Variants in SERPINB1 observed in about 807,000 individuals in gnomAD.
SERPINB1 encodes leukocyte elastase inhibitor.
SERPINB1 carries 23 observed loss-of-function variants against 25.9 expected under a neutral mutation model. The ratio of observed to expected loss-of-function variants is 0.89; its 90% CI spans 0.64 to 1.26. The LOEUF is 1.26. SERPINB1 is among the 50% of genes most tolerant of loss of function. The pLI is 0.00. For missense variants in SERPINB1, 399 were observed against 463.6 expected, an observed-to-expected ratio of 0.86 and a Z score of 1.28; for synonymous variants, 178 against 178.7, an observed-to-expected ratio of 1.00 and a Z score of 0.03.
chr6:2,841,029 C>T lies in SERPINB1; in HGVS notation c.-8-435G>A, dbSNP rs1766636741. On this transcript the variant is annotated intron_variant, in intron 1 of 6. Coordinates refer to ENST00000380739, the MANE Select transcript of SERPINB1 (RefSeq NM_030666.4). The surrounding 1 kb of genome is among the most constrained non-coding windows in gnomAD (Gnocchi z 4.5). ...CATTGGGCAATGAATCCATTGCCTA[C>T]CTTCACCTGAACTAAGAGCCTTCTA... is the stretch of plus-strand genomic sequence containing the variant. Among the ~76,000 whole-genome samples, 1 of 152,072 alleles carries T rather than the reference C, an allele frequency of 6.6e-6. No homozygotes were observed. The highest frequency in any genetic ancestry group is 2.1e-4 in the South Asian group (1 of 4,832).
chr6:2,837,258 CTTTATTT>C lies in SERPINB1; in HGVS notation c.424+617_424+623del, dbSNP rs555679793. Among the ~76,000 whole-genome samples the C allele has an allele frequency of 6.4e-3, 974 of 152,054 alleles. 2 individuals are homozygous for C. The highest frequency in any genetic ancestry group is 0.021 in the African/African-American group (882 of 41,506). On this transcript the variant is annotated intron_variant, in intron 4 of 6. Transcript: ENST00000380739. The surrounding 1 kb of genome is among the most constrained non-coding windows in gnomAD (Gnocchi z 4.3). ...TTGCTGTATTCAGTGTTGGTTTTAA[CTTTATTT>C]TTTATTTTTTATTATTTTTATTATT... is the stretch of plus-strand genomic sequence containing the variant.
intron 1 of SERPINB1, among the ~76,000 whole-genome samples, chr6:2,840,940 G>T (rs1362195623): frequency 6.6e-6 from 1 of 152,224 alleles, no homozygotes; most frequent in Non-Finnish European, 1.5e-5. Context: ...ACCCAGCCCT[G>T]GGTCTTCCCA....
In SERPINB1 at chr6:2,835,876, C is replaced by T. The variant is rs779046708; in HGVS notation, c.715G>A (p.Glu239Lys). Residue 239 changes from glutamate to lysine, a missense_variant, in exon 6 of 7, where the codon GAG becomes AAG. Coordinates refer to ENST00000380739, the MANE Select transcript of SERPINB1 (RefSeq NM_030666.4). ...VILLPDDIED[E>K]STGLKKIEEQ... ...CATACCTTCTTCAGGCCCGTGGACTCGTCCTCAATGTCATCCGGCAGCAGG... is the reference window on the plus strand; with the variant it reads ...CATACCTTCTTCAGGCCCGTGGACTTGTCCTCAATGTCATCCGGCAGCAGG... 8 of 1,613,838 alleles carry T rather than the reference C, an allele frequency of 5.0e-6. No individual in the cohort carries two copies. In the East Asian group the frequency reaches 6.7e-5, roughly 13 times the overall value.
At position 2,833,884 on chromosome 6, in the gene SERPINB1, G is replaced by A. The variant is rs112392746; in HGVS notation, c.864C>T (p.Leu288=). 143 of 1,614,048 alleles carry A rather than the reference G, an allele frequency of 8.9e-5. 1 individual carries two copies. The South Asian group carries it at 1.3e-3, about 14-fold the overall frequency. Residue 288 remains leucine, a synonymous_variant, in exon 7 of 7, where the codon CTC becomes CTT. Transcript: ENST00000380739. ...LEESYTLNSD[L]ARLGVQDLFN... ...AGAGATCCTGCACACCTAGGCGGGC[G>A]AGGTCGGAGTTGAGAGTGTAACTCT...
rs1280633877 is a variant in SERPINB1 at position 2,841,812 on chromosome 6, C to G, written c.-9G>C. The G allele has an allele frequency of 6.6e-6, 1 of 152,368 alleles. No individual in the cohort carries two copies. Among genetic ancestry groups the G allele is most frequent in the African/African-American group, 2.4e-5 (1 of 41,464 alleles). The allele number at this position is 152,368 out of a possible 1,614,324, so 9.4% of individuals were successfully genotyped here. A position where few individuals can be genotyped will look rare whatever the true frequency, so the allele number is the denominator to read the frequency against. On this transcript the variant is annotated splice_region_variant and 5_prime_UTR_variant, in exon 1 of 7. Transcript: ENST00000380739. The surrounding 1 kb of genome is among the most constrained non-coding windows in gnomAD (Gnocchi z 4.5). ...CCACCGCTCCGAGGCCCGGCCTTAC[C>G]CGACAGGCCGCCGAGGCACGCTCCG...
In SERPINB1 at chr6:2,833,522, TA is replaced by T; in HGVS notation, c.*85del. On this transcript the variant is annotated 3_prime_UTR_variant, in exon 7 of 7. Coordinates refer to ENST00000380739, the MANE Select transcript of SERPINB1 (RefSeq NM_030666.4). ...TGTTTCTGAACAGTGGTTTTATTGG[TA>T]AAGATATAAGACATATTGGCTCTAT... The T allele has an allele frequency of 8.0e-7, 1 of 1,244,258 alleles. No individual in the cohort carries two copies. Among genetic ancestry groups the T allele is most frequent in the Non-Finnish European group, 1.1e-6 (1 of 913,584 alleles). 77.1% of individuals were successfully genotyped at this position (1,244,258 alleles called of 1,614,324 possible). A position where few individuals can be genotyped will look rare whatever the true frequency, so the allele number is the denominator to read the frequency against.
At chr6:2,840,205 G>C (rs536556705) in intron 2 of SERPINB1, among the ~76,000 whole-genome samples, 8 of 152,202 alleles carry the variant, frequency 5.3e-5, no homozygotes, top group South Asian at 2.1e-4. Context: ...TCAGCAATAC[G>C]AAAAACAGTT....
At chr6:2,838,818 T>G in intron 2 of SERPINB1, 132 bp from the exon 3 acceptor site, 1 of 703,412 alleles carries the variant, frequency 1.4e-6, no homozygotes, top group Non-Finnish European at 2.0e-6. Flanking sequence ...AACCCAATAC[T>G]TTATTAATTT....
Position 2,836,110 on chromosome 6 carries a change from T to C in SERPINB1, c.565A>G (p.Lys189Glu). Residue 189 changes from lysine (K) to glutamate (E), a missense_variant and splice_region_variant, in exon 5 of 7, where the codon AAG becomes GAG. Coordinates refer to ENST00000380739, the MANE Select transcript of SERPINB1 (RefSeq NM_030666.4). ...ATTNAPFRLN[K>E]KDRKTVKMMY... is the part of the protein sequence containing the mutation. ...TCTGTACAGTTACCTCACCTCACCTTATTCAATCTGAATGGTGCATTCGTC... is the reference window on the plus strand; with the variant it reads ...TCTGTACAGTTACCTCACCTCACCTCATTCAATCTGAATGGTGCATTCGTC... 6.2e-7 allele frequency: 1 copy of C among 1,614,108 alleles called. No homozygotes were observed. The highest frequency in any genetic ancestry group is 1.3e-5 in the African/African-American group (1 of 75,060).
intron 1 of SERPINB1, 104 bp from the exon 2 acceptor site, chr6:2,840,698 G>A: frequency 9.1e-7 from 1 of 1,102,412 alleles, no homozygotes; most frequent in East Asian, 2.5e-5. Context: ...ACCGCCCTGA[G>A]GCATCCTGGA....
At chr6:2,836,278 A>T in intron 4 of SERPINB1, 28 bp from the exon 5 acceptor site, 1 of 1,575,264 alleles carries the variant, frequency 6.3e-7, no homozygotes, top group Non-Finnish European at 8.6e-7. Flanking sequence ...TAGCGTAAAA[A>T]AAATCCAAAT....
intron 1 of SERPINB1, 139 bp from the exon 2 acceptor site, chr6:2,840,733 T>A: frequency 1.3e-6 from 1 of 773,254 alleles, no homozygotes; most frequent in Non-Finnish European, 2.0e-6. Flanking sequence ...CCCGCTTTTT[T>A]ATTCCAGCAG....
chr6:2,832,806 CA>C lies in SERPINB1; in HGVS notation c.*801del, dbSNP rs3054472. On this transcript the variant is annotated 3_prime_UTR_variant, in exon 7 of 7. Coordinates refer to ENST00000380739, the MANE Select transcript of SERPINB1 (RefSeq NM_030666.4). ...TGGGTAACAGAGCAAGACTCTGTCT[CA>C]AAAAAAAAAAAAAGAAAGAAAGAAA... is the stretch of plus-strand genomic sequence containing the variant. 0.038 allele frequency: 3,631 copies of C among 95,106 alleles called. 116 individuals carry two copies. Among genetic ancestry groups the C allele is most frequent in the African/African-American group, 0.11 (3,172 of 28,940 alleles). 5.9% of individuals were successfully genotyped at this position (95,106 alleles called of 1,614,324 possible).
At chr6:2,834,176 C>T (rs1766420141) in intron 6 of SERPINB1, among the ~76,000 whole-genome samples, 164 bp from the exon 7 acceptor site, 1 of 152,114 alleles carries the variant, frequency 6.6e-6, no homozygotes. Context: ...TTCATTATGG[C>T]AATTGGTGAA....
At position 2,833,449 on chromosome 6, in the gene SERPINB1, G is replaced by A; in HGVS notation, c.*159C>T. On this transcript the variant is annotated 3_prime_UTR_variant, in exon 7 of 7. Coordinates refer to ENST00000380739, the MANE Select transcript of SERPINB1 (RefSeq NM_030666.4). ...AATAGATACCCATGCCAAAATTCAT[G>A]GGTGTAAACAGCCAACAGAGCCAAA... is the stretch of plus-strand genomic sequence containing the variant. 1.6e-6 allele frequency: 1 copy of A among 623,788 alleles called. No homozygotes were observed. Among genetic ancestry groups the A allele is most frequent in the Non-Finnish European group, 2.5e-6 (1 of 397,576 alleles). 38.6% of individuals were successfully genotyped at this position (623,788 alleles called of 1,614,324 possible). A position where few individuals can be genotyped will look rare whatever the true frequency, so the allele number is the denominator to read the frequency against.
At position 2,837,772 on chromosome 6, in the gene SERPINB1, C is replaced by T. The variant is rs1766535071; in HGVS notation, c.424+110G>A. 9.7e-6 allele frequency: 8 copies of T among 821,418 alleles called. No homozygotes were observed. The highest frequency in any genetic ancestry group is 1.9e-5 in the Admixed American group (1 of 53,330). 50.9% of individuals were successfully genotyped at this position (821,418 alleles called of 1,614,324 possible). ...GTCCTCTGACTGTAACCACGATGTG[C>T]GCCAGGACTGTGGGAGCTGGGGAGG... On this transcript the variant is annotated intron_variant, in intron 4 of 6. Transcript: ENST00000380739. This position sits in a 1 kb window ranked among gnomAD's most constrained non-coding sequence, Gnocchi z 4.3.
intron 2 of SERPINB1, among the ~76,000 whole-genome samples, chr6:2,839,837 G>A (rs1296872679): frequency 6.8e-6 from 1 of 146,762 alleles, no homozygotes; most frequent in Non-Finnish European, 1.5e-5. Context: ...CTGAAGCTGC[G>A]GGTCTCCCCC....
intron 2 of SERPINB1, among the ~76,000 whole-genome samples, 190 bp downstream of exon 2, chr6:2,840,229 A>C (rs1016782098): frequency 6.6e-6 from 1 of 152,200 alleles, no homozygotes; most frequent in African/African-American, 2.4e-5. Context: ...GGTACGTGGT[A>C]GGTACTTAGG....
Position 2,833,903 on chromosome 6 carries a change from T to C in SERPINB1, c.845A>G (p.Tyr282Cys), listed in dbSNP as rs1307974081. The C allele has an allele frequency of 6.2e-7, 1 of 1,614,056 alleles. No homozygotes were observed. The highest frequency in any genetic ancestry group is 8.5e-7 in the Non-Finnish European group (1 of 1,180,044). The change falls in exon 7 of 7, where the codon TAC becomes TGC. Residue 282 changes from tyrosine to cysteine, a missense_variant. Tyr to Cys is a radical substitution (Grantham distance 194). Coordinates refer to ENST00000380739, the MANE Select transcript of SERPINB1 (RefSeq NM_030666.4). ...SLPRFKLEES[Y>C]TLNSDLARLG... ...GCGGGCGAGGTCGGAGTTGAGAGTG[T>C]AACTCTCTTCCAGTTTGAACCTGGG... is the stretch of plus-strand genomic sequence containing the variant.
Sources: gnomAD v4.1 joint callset for allele counts (sites outside exome capture counted in the v4.1 genomes callset) on GRCh38, gnomAD v4.1.1 for gene constraint, Gnocchi (gnomAD v3.1) non-coding constraint, MANE v1.5 for transcripts, NCBI Gene and HGNC (gene_info 2026-07-23, HGNC 2026-07-21) for gene names.